CABLES1: variants seen among roughly 807,000 people sequenced by gnomAD.
The protein encoded by CABLES1 is CDK5 and ABL1 enzyme substrate 1.
In CABLES1, 36 loss-of-function variants were observed where a neutral mutation model predicts 57.8. The observed-to-expected ratio is 0.62, with a 90% CI of 0.48 to 0.82. The LOEUF (loss-of-function observed/expected upper bound fraction) is 0.82. Among genes scored for constraint, CABLES1 ranks in the 40% least tolerant of loss-of-function variants. The pLI, the probability that CABLES1 is intolerant of heterozygous loss-of-function variation, is 0.00. For synonymous variants in CABLES1, 374 were observed against 363.0 expected (o/e 1.03, Z -0.35); for missense variants, 767 against 836.6 (o/e 0.92, Z 1.03).
chr18:23,248,046 A>T (rs1010375663), intron 7 of CABLES1, among the ~76,000 whole-genome samples: 15 of 152,232 alleles, frequency 9.9e-5, no homozygotes, highest in African/African-American at 3.6e-4. Flanking sequence ...GGCTGCTTGT[A>T]AAAAAGACAG....
At chr18:23,234,851 G>A (rs894447743) in intron 5 of CABLES1, 147 bp downstream of exon 5, 35 of 663,480 alleles carry the variant, frequency 5.3e-5, no homozygotes, top group Middle Eastern at 8.1e-4. Context: ...CAGCCTGCCC[G>A]GCTCCCCTAG....
rs750084053 is a variant in CABLES1 at position 23,253,710 on chromosome 18, C to G, written c.1554-19C>G. 7 of 1,609,614 alleles carry G rather than the reference C, an allele frequency of 4.3e-6. No homozygotes were observed. The South Asian group carries it at 7.7e-5, about 18-fold the overall frequency. ...CTAAGTTTTCACAAGACTGTTCCCTCTTGCCTGTCTTTCTCCAGTCTGAAA... is the reference window on the plus strand; with the variant it reads ...CTAAGTTTTCACAAGACTGTTCCCTGTTGCCTGTCTTTCTCCAGTCTGAAA... On this transcript the variant is annotated intron_variant, in intron 8 of 9. Transcript: ENST00000256925.
At chr18:23,240,080 T>C (rs1336191670) in intron 7 of CABLES1, among the ~76,000 whole-genome samples, 3 of 152,186 alleles carry the variant, frequency 2.0e-5, no homozygotes, top group African/African-American at 7.2e-5. Flanking sequence ...ATTGTGCCAC[T>C]GCACTCCAGC....
At chr18:23,169,445 G>T (rs953333837) in intron 1 of CABLES1, among the ~76,000 whole-genome samples, 3 of 152,144 alleles carry the variant, frequency 2.0e-5, no homozygotes, top group Non-Finnish European at 2.9e-5. Context: ...ATGTCCACTA[G>T]GTCCCAGCCA....
At chr18:23,199,544 C>T (rs1411592024) in intron 3 of CABLES1, among the ~76,000 whole-genome samples, 1 of 152,136 alleles carries the variant, frequency 6.6e-6, no homozygotes, top group Non-Finnish European at 1.5e-5. Context: ...ATACATGCTA[C>T]AATGTGGATG....
intron 3 of CABLES1, among the ~76,000 whole-genome samples, chr18:23,199,708 A>T (rs2047309659): frequency 6.6e-6 from 1 of 152,238 alleles, no homozygotes. Flanking sequence ...TTATTGCTTA[A>T]TGAGTACAGA....
chr18:23,250,237 G>A (rs537982358), intron 7 of CABLES1, among the ~76,000 whole-genome samples: 3 of 152,366 alleles, frequency 2.0e-5, no homozygotes, highest in Admixed American at 6.5e-5. Flanking sequence ...AACAAAGGCA[G>A]ATGACTTTAC....
At chr18:23,246,670 C>T (rs1284703549) in intron 7 of CABLES1, among the ~76,000 whole-genome samples, 1 of 151,642 alleles carries the variant, frequency 6.6e-6, no homozygotes, top group Non-Finnish European at 1.5e-5. Context: ...GGATTATATG[C>T]TTGAGCCACC....
chr18:23,179,480 G>A (rs1057375946), intron 1 of CABLES1, among the ~76,000 whole-genome samples: 3 of 152,162 alleles, frequency 2.0e-5, no homozygotes, highest in Admixed American at 2.0e-4. Context: ...GTTGAGGCTC[G>A]GGGAGGAGGT....
intron 3 of CABLES1, among the ~76,000 whole-genome samples, chr18:23,209,124 C>A (rs192699061): frequency 1.3e-5 from 2 of 152,316 alleles, no homozygotes; most frequent in Non-Finnish European, 2.9e-5. Context: ...CATAAGTGCT[C>A]AATTGCATGC....
intron 2 of CABLES1, among the ~76,000 whole-genome samples, chr18:23,189,720 T>A (rs2047227815): frequency 6.6e-6 from 1 of 152,226 alleles, no homozygotes; most frequent in Admixed American, 6.5e-5. Context: ...GCACCGTGCG[T>A]GCCTTGGCCA....
At chr18:23,211,805 A>G (rs1197256841) in intron 3 of CABLES1, among the ~76,000 whole-genome samples, 1 of 152,256 alleles carries the variant, frequency 6.6e-6, no homozygotes, top group East Asian at 1.9e-4. Context: ...CTTAATAAGT[A>G]TTGGCTGTTA....
chr18:23,254,037 A>G, intron 9 of CABLES1, 101 bp downstream of exon 9: 2 of 957,416 alleles, frequency 2.1e-6, no homozygotes, highest in Non-Finnish European at 3.3e-6. Flanking sequence ...AAGGATTCTG[A>G]TCCTTAGTCA....
At chr18:23,216,497 T>C (rs2047443115) in intron 4 of CABLES1, among the ~76,000 whole-genome samples, 2 of 152,188 alleles carry the variant, frequency 1.3e-5, no homozygotes, top group Non-Finnish European at 1.5e-5. Context: ...GCACGTGGCA[T>C]GCAGAGAAGT....
intron 1 of CABLES1, among the ~76,000 whole-genome samples, chr18:23,141,915 C>G (rs1180243757): frequency 6.6e-6 from 1 of 152,154 alleles, no homozygotes; most frequent in Non-Finnish European, 1.5e-5. Context: ...GGCAGGTTTT[C>G]TGGAGGGTAG....
At chr18:23,150,965 T>G (rs1368292842) in intron 1 of CABLES1, among the ~76,000 whole-genome samples, 2 of 150,544 alleles carry the variant, frequency 1.3e-5, no homozygotes, top group African/African-American at 2.4e-5. Flanking sequence ...CGCTAAGAGC[T>G]CTCATTGTCT....
At chr18:23,189,203 G>T (rs186015744) in intron 2 of CABLES1, 71 of 341,848 alleles carry the variant, frequency 2.1e-4, no homozygotes, top group African/African-American at 1.4e-3. Context: ...CAAGAGCCCA[G>T]CATTGTCCCG....
chr18:23,198,896 T>C (rs2047303766), intron 3 of CABLES1, among the ~76,000 whole-genome samples: 1 of 152,232 alleles, frequency 6.6e-6, no homozygotes, highest in Non-Finnish European at 1.5e-5. Context: ...GTCACTAACT[T>C]TGTGGCAGTT....
upstream of CABLES1, chr18:23,135,335 G>A (rs114605758): frequency 0.013 from 2,054 of 152,550 alleles, 32 homozygotes; most frequent in East Asian, 0.042. Flanking sequence ...CTTGCCTCCC[G>A]CCGTCTGCCT....
Sources: gnomAD v4.1 joint callset for allele counts (sites outside exome capture counted in the v4.1 genomes callset) on GRCh38, gnomAD v4.1.1 for gene constraint, MANE v1.5 for transcripts, NCBI Gene and HGNC (gene_info 2026-07-23, HGNC 2026-07-21) for gene names.